The following PRKD1 variants were observed in gnomAD, a reference collection of about 807,000 sequenced individuals.
PRKD1 encodes protein kinase D1.
In PRKD1, 63 loss-of-function variants were observed where a neutral mutation model predicts 95.9. The ratio of observed to expected loss-of-function variants is 0.66; its 90% CI spans 0.54 to 0.81. PRKD1 has a LOEUF of 0.81. Ranked by LOEUF, PRKD1 falls within the 30% of genes least tolerant of loss-of-function variation. The pLI, the probability that PRKD1 is intolerant of heterozygous loss-of-function variation, is 0.00. For synonymous variants in PRKD1, 425 were observed against 423.1 expected (o/e 1.00, Z -0.05); for missense variants, 1,048 against 1,165.3 (o/e 0.90, Z 1.47).
intron 1 of PRKD1, among the ~76,000 whole-genome samples, chr14:29,734,256 G>T (rs996869420): frequency 2.0e-5 from 3 of 151,726 alleles, no homozygotes; most frequent in Non-Finnish European, 4.4e-5. Flanking sequence ...TGGCCAGGCT[G>T]GTCTCAAACT....
intron 8 of PRKD1, 135 bp downstream of exon 8, chr14:29,634,283 T>A (rs1880217779): frequency 6.0e-6 from 8 of 1,336,914 alleles, no homozygotes; most frequent in Non-Finnish European, 8.4e-6. Context: ...TAATGCACCT[T>A]ACCTAATCCC....
chr14:29,608,843 T>TA (rs1878215652), intron 13 of PRKD1, among the ~76,000 whole-genome samples: 1 of 152,234 alleles, frequency 6.6e-6, no homozygotes, highest in South Asian at 2.1e-4. Context: ...AGTTTGCAAT[T>TA]AAAACAGGCT....
At chr14:29,886,542 T>C (rs1443735329) in intron 1 of PRKD1, among the ~76,000 whole-genome samples, 2 of 152,212 alleles carry the variant, frequency 1.3e-5, no homozygotes, top group Non-Finnish European at 2.9e-5. Context: ...ATGAAGAACT[T>C]AGTGTATTCA....
intron 1 of PRKD1, among the ~76,000 whole-genome samples, chr14:29,857,475 C>A (rs1466316809): frequency 6.6e-6 from 1 of 152,136 alleles, no homozygotes; most frequent in Non-Finnish European, 1.5e-5. Context: ...CCTGACAGAC[C>A]CAATGGCCTC....
chr14:29,869,320 G>C (rs1040970681), intron 1 of PRKD1, among the ~76,000 whole-genome samples: 5 of 151,932 alleles, frequency 3.3e-5, no homozygotes, highest in Admixed American at 1.3e-4. Context: ...CCACGTGCCT[G>C]TAATCCCAAC....
At chr14:29,889,400 A>C (rs966542130) in intron 1 of PRKD1, among the ~76,000 whole-genome samples, 1 of 152,154 alleles carries the variant, frequency 6.6e-6, no homozygotes, top group Non-Finnish European at 1.5e-5. Flanking sequence ...CAGCCCATGG[A>C]GGGCAAGCCA....
chr14:29,587,568 A>G (rs190265734), intron 16 of PRKD1, among the ~76,000 whole-genome samples: 23 of 152,352 alleles, frequency 1.5e-4, no homozygotes, highest in African/African-American at 5.5e-4. Context: ...TGTGCTTGCT[A>G]AAACCTCTGA....
rs780530976 is a variant in PRKD1 at position 29,599,744 on chromosome 14, T to C, written c.1979A>G (p.Glu660Gly). The change falls in exon 14 of 18, where the codon GAA becomes GGA. Residue 660 changes from glutamate to glycine, a missense_variant. Glu to Gly is a moderately conservative substitution (Grantham distance 98). This residue lies in a region of PRKD1 where 739 missense variants were observed against 861.9 expected (regional missense o/e 0.86). Coordinates refer to ENST00000331968, the MANE Select transcript of PRKD1 (RefSeq NM_002742.3). Reference sequence around the variant, plus strand: ...TTCCAGCATGTCTCCATGGAGTTTTTCCATAACAACAAACACTCTTTCAGG... The same window carrying C: ...TTCCAGCATGTCTCCATGGAGTTTTCCCATAACAACAAACACTCTTTCAGG... ...ETPERVFVVMEKLHGDMLEMI... is the reference protein window; with the variant it reads ...ETPERVFVVMGKLHGDMLEMI... 2 of 1,613,484 alleles carry C rather than the reference T, an allele frequency of 1.2e-6. No individual in the cohort carries two copies. Among genetic ancestry groups the C allele is most frequent in the South Asian group, 2.2e-5 (2 of 91,042 alleles).
intron 1 of PRKD1, among the ~76,000 whole-genome samples, chr14:29,786,054 G>C (rs929496496): frequency 1.3e-5 from 2 of 152,034 alleles, no homozygotes; most frequent in Non-Finnish European, 2.9e-5. Flanking sequence ...CAACATGAAG[G>C]GATGTGAAAC....
chr14:29,726,762 T>A (rs935358000), intron 1 of PRKD1, among the ~76,000 whole-genome samples: 4 of 151,726 alleles, frequency 2.6e-5, no homozygotes, highest in Non-Finnish European at 4.4e-5. Context: ...TATTTCTGCA[T>A]GTCACTTAGT....
intron 1 of PRKD1, among the ~76,000 whole-genome samples, chr14:29,787,251 T>C (rs1889318993): frequency 1.4e-5 from 2 of 147,042 alleles, no homozygotes; most frequent in African/African-American, 5.1e-5. Flanking sequence ...GCCTAATATA[T>C]GGTCTTTCCT....
intron 2 of PRKD1, among the ~76,000 whole-genome samples, chr14:29,676,052 A>G (rs563768377): frequency 2.4e-4 from 36 of 152,028 alleles, no homozygotes; most frequent in African/African-American, 6.0e-4. Flanking sequence ...TGGGTGCAGC[A>G]CACCAACATG....
intron 1 of PRKD1, among the ~76,000 whole-genome samples, chr14:29,749,547 C>T (rs1007014473): frequency 6.6e-6 from 1 of 152,098 alleles, no homozygotes. Context: ...AAGAATATGG[C>T]TGAGGCAGAG....
chr14:29,637,879 T>C (rs1174083728), intron 6 of PRKD1, among the ~76,000 whole-genome samples: 2 of 152,208 alleles, frequency 1.3e-5, no homozygotes, highest in Non-Finnish European at 2.9e-5. Flanking sequence ...GCTAAAGGTA[T>C]AAAGACCACT....
chr14:29,927,180 G>A, intron 1 of PRKD1, 69 bp downstream of exon 1: 2 of 1,353,080 alleles, frequency 1.5e-6, no homozygotes, highest in South Asian at 3.6e-5. Flanking sequence ...TTGGCGCGGA[G>A]AGGGCCAGCC....
chr14:29,608,762 C>G (rs1878207744), intron 13 of PRKD1, among the ~76,000 whole-genome samples: 2 of 152,164 alleles, frequency 1.3e-5, no homozygotes, highest in Non-Finnish European at 2.9e-5. Flanking sequence ...TTCTCCTGCT[C>G]TAAAGTGAGA....
intron 1 of PRKD1, among the ~76,000 whole-genome samples, chr14:29,869,558 A>G (rs1893032491): frequency 6.6e-6 from 1 of 152,192 alleles, no homozygotes; most frequent in Non-Finnish European, 1.5e-5. Context: ...TCATACAGAA[A>G]AGAATACATA....
intron 1 of PRKD1, among the ~76,000 whole-genome samples, chr14:29,806,248 T>C (rs746272807): frequency 1.2e-4 from 18 of 152,220 alleles, no homozygotes; most frequent in Non-Finnish European, 2.1e-4. Context: ...CCCTCTCTTC[T>C]TCCTACAGGA....
intron 2 of PRKD1, among the ~76,000 whole-genome samples, chr14:29,700,797 G>A (rs1056210990): frequency 2.6e-5 from 4 of 152,124 alleles, no homozygotes; most frequent in Non-Finnish European, 4.4e-5. Context: ...GAAGAAGAGG[G>A]AATTCTGTCA....
Sources: gnomAD v4.1 joint callset for allele counts (sites outside exome capture counted in the v4.1 genomes callset) on GRCh38, gnomAD v4.1.1 for gene constraint, gnomAD v4.1.1 regional missense constraint, MANE v1.5 for transcripts, NCBI Gene and HGNC (gene_info 2026-07-23, HGNC 2026-07-21) for gene names.